Variants in CFAP299 observed in about 807,000 individuals in gnomAD.
CFAP299 encodes the protein cilia- and flagella-associated protein 299.
CFAP299 carries 21 observed loss-of-function variants against 27.0 expected under a neutral mutation model. The observed-to-expected ratio is 0.78, with a 90% CI of 0.55 to 1.12. The LOEUF is 1.12. Among genes scored for constraint, CFAP299 ranks in the 50% most tolerant of loss-of-function variants. The pLI is 0.00. For synonymous variants in CFAP299, 104 were observed against 98.1 expected, an observed-to-expected ratio of 1.06 and a Z score of -0.36; for missense variants, 310 against 276.6, an observed-to-expected ratio of 1.12 and a Z score of -0.86.
At chr4:80,362,660 G>A in intron 1 of CFAP299, 94 bp from the exon 2 acceptor site, 2 of 1,289,692 alleles carry the variant, frequency 1.6e-6, no homozygotes, top group Non-Finnish European at 2.1e-6. Context: ...TAAAGCAATT[G>A]CTTGGTATAC....
intron 3 of CFAP299, among the ~76,000 whole-genome samples, chr4:80,601,463 A>G (rs1248406205): frequency 6.6e-6 from 1 of 152,222 alleles, no homozygotes; most frequent in African/African-American, 2.4e-5. Context: ...ATTATGCCCC[A>G]CCTACCTTTG....
At chr4:80,551,705 A>G (rs1734519863) in intron 2 of CFAP299, among the ~76,000 whole-genome samples, 1 of 151,642 alleles carries the variant, frequency 6.6e-6, no homozygotes, top group Non-Finnish European at 1.5e-5. Flanking sequence ...TATGACTAAG[A>G]CTTTAATTTT....
intron 3 of CFAP299, among the ~76,000 whole-genome samples, chr4:80,813,364 A>G (rs1729256501): frequency 6.6e-6 from 1 of 151,978 alleles, no homozygotes; most frequent in Non-Finnish European, 1.5e-5. Context: ...ACAAAGAAAA[A>G]AGGAATTTTT....
chr4:80,932,278 C>CTACTAT (rs1232740334), intron 4 of CFAP299, among the ~76,000 whole-genome samples: 2 of 151,924 alleles, frequency 1.3e-5, no homozygotes, highest in Non-Finnish European at 2.9e-5. Flanking sequence ...GTTTTCCAAC[C>CTACTAT]ATTATCTGTA....
intron 3 of CFAP299, among the ~76,000 whole-genome samples, chr4:80,787,708 A>C (rs978971143): frequency 3.3e-5 from 5 of 152,048 alleles, no homozygotes; most frequent in Non-Finnish European, 7.4e-5. Flanking sequence ...AACAAGGCCT[A>C]AAATATTTAA....
intron 2 of CFAP299, among the ~76,000 whole-genome samples, chr4:80,576,519 A>G (rs1267166335): frequency 3.3e-5 from 5 of 152,112 alleles, no homozygotes; most frequent in Non-Finnish European, 7.4e-5. Flanking sequence ...TTTGGCCTCT[A>G]AAAAATAGAA....
intron 2 of CFAP299, among the ~76,000 whole-genome samples, chr4:80,475,147 C>T (rs543169675): frequency 2.0e-5 from 3 of 152,030 alleles, no homozygotes; most frequent in Admixed American, 6.6e-5. Context: ...GGAGTGGAGG[C>T]CAGAACAGTA....
At chr4:80,764,470 A>G (rs896507079) in intron 3 of CFAP299, among the ~76,000 whole-genome samples, 9 of 152,174 alleles carry the variant, frequency 5.9e-5, no homozygotes, top group African/African-American at 2.2e-4. Flanking sequence ...ATGGAGAGAA[A>G]TAGGAACGCG....
intron 4 of CFAP299, among the ~76,000 whole-genome samples, chr4:80,891,170 C>A (rs1184285570): frequency 4.7e-5 from 7 of 149,014 alleles, no homozygotes; most frequent in Non-Finnish European, 8.9e-5. Context: ...CCTAGGTTTT[C>A]TTCTAGGGTT....
chr4:80,864,338 A>C (rs1732559932), intron 3 of CFAP299, among the ~76,000 whole-genome samples: 1 of 149,764 alleles, frequency 6.7e-6, no homozygotes, highest in African/African-American at 2.4e-5. Flanking sequence ...GGCTCTTTTG[A>C]CCTATTTGCC....
At chr4:80,879,345 A>T (rs1053983017) in intron 4 of CFAP299, among the ~76,000 whole-genome samples, 39 of 152,178 alleles carry the variant, frequency 2.6e-4, no homozygotes, top group African/African-American at 9.2e-4. Context: ...GAGAGAAATA[A>T]TTAGCTTGCT....
chr4:80,682,867 A>G (rs1437050194), intron 3 of CFAP299, among the ~76,000 whole-genome samples: 1 of 152,080 alleles, frequency 6.6e-6, no homozygotes, highest in African/African-American at 2.4e-5. Context: ...ATTCGATAAT[A>G]CCTCCAGTGA....
intron 3 of CFAP299, among the ~76,000 whole-genome samples, chr4:80,618,300 G>A (rs1434963156): frequency 6.6e-6 from 1 of 151,988 alleles, no homozygotes; most frequent in Non-Finnish European, 1.5e-5. Context: ...TAGAAAAAAA[G>A]TTGTTATCTA....
intron 2 of CFAP299, among the ~76,000 whole-genome samples, chr4:80,525,011 T>G (rs987311952): frequency 1.3e-5 from 2 of 152,156 alleles, no homozygotes; most frequent in Admixed American, 1.3e-4. Context: ...TGCTGGCTGT[T>G]AGATAGAGGT....
At chr4:80,788,786 C>T (rs1727387794) in intron 3 of CFAP299, among the ~76,000 whole-genome samples, 1 of 151,924 alleles carries the variant, frequency 6.6e-6, no homozygotes, top group Non-Finnish European at 1.5e-5. Context: ...CCATAAAGGG[C>T]AAGAAGACAC....
At chr4:80,496,089 T>C (rs1343900784) in intron 2 of CFAP299, among the ~76,000 whole-genome samples, 1 of 152,202 alleles carries the variant, frequency 6.6e-6, no homozygotes, top group Non-Finnish European at 1.5e-5. Flanking sequence ...GTTGCCTTTT[T>C]TTAGTTATGC....
chr4:80,946,499 T>C (rs1737484877), intron 5 of CFAP299, among the ~76,000 whole-genome samples: 1 of 152,184 alleles, frequency 6.6e-6, no homozygotes, highest in African/African-American at 2.4e-5. Context: ...GTTAGTCTTA[T>C]GGAGGTGATT....
intron 3 of CFAP299, among the ~76,000 whole-genome samples, chr4:80,798,927 A>G (rs2110104326): frequency 6.6e-6 from 1 of 151,492 alleles, no homozygotes; most frequent in East Asian, 1.9e-4. Context: ...TATTGGAAGT[A>G]GAGTTCTTAG....
intron 2 of CFAP299, among the ~76,000 whole-genome samples, chr4:80,545,230 C>T (rs79093928): frequency 0.043 from 6,615 of 152,090 alleles, 405 homozygotes; most frequent in African/African-American, 0.13. Flanking sequence ...CAGCACTAAA[C>T]ACCTATGTTA....
Sources: allele counts gnomAD v4.1 joint callset (sites outside exome capture counted in the v4.1 genomes callset), GRCh38; gene constraint gnomAD v4.1.1; transcripts MANE v1.5; gene names NCBI Gene and HGNC (gene_info 2026-07-23, HGNC 2026-07-21).